The following PPP1R12B variants were observed in gnomAD, a reference collection of about 807,000 sequenced individuals.
PPP1R12B encodes the protein myosin phosphatase target subunit 2.
PPP1R12B carries 76 observed loss-of-function variants against 126.1 expected under a neutral mutation model. The ratio of observed to expected loss-of-function variants is 0.60; its 90% CI spans 0.50 to 0.73. The LOEUF is 0.73. PPP1R12B is among the 30% of genes least tolerant of loss of function. The pLI is 0.00. For synonymous variants in PPP1R12B, 356 were observed against 434.7 expected (o/e 0.82, Z 2.25); for missense variants, 1,052 against 1,205.1 (o/e 0.87, Z 1.88).
In PPP1R12B at chr1:202,446,252, A is replaced by AT. The variant is rs1441894134; in HGVS notation, c.1668-2736dup. Among the ~76,000 whole-genome samples the AT allele has an allele frequency of 3.3e-3, 189 of 57,212 alleles. 1 individual carries two copies. The highest frequency in any genetic ancestry group is 0.015 in the African/African-American group (184 of 12,520). 37.5% of individuals were successfully genotyped at this position (57,212 alleles called of 152,430 possible). ...TCTCTCTCTCTATATATATATATATATATATTTTTTTTTTTTTTTGAGATG... is the reference window on the plus strand; with the variant it reads ...TCTCTCTCTCTATATATATATATATATTATATTTTTTTTTTTTTTTGAGATG... On this transcript the variant is annotated intron_variant, in intron 12 of 23. Coordinates refer to ENST00000608999, the MANE Select transcript of PPP1R12B (RefSeq NM_002481.4).
At chr1:202,571,743 A>G (rs1688631360) in intron 23 of PPP1R12B, among the ~76,000 whole-genome samples, 1 of 152,188 alleles carries the variant, frequency 6.6e-6, no homozygotes, top group South Asian at 2.1e-4. Context: ...GGTGTGAGCC[A>G]TCGCGTCTGG....
intron 5 of PPP1R12B, 66 bp from the exon 6 acceptor site, chr1:202,428,789 A>C (rs982413133): frequency 6.8e-7 from 1 of 1,462,934 alleles, no homozygotes; most frequent in African/African-American, 1.4e-5. Context: ...ATAGTTCCCT[A>C]CTAATAAAGT....
At position 202,588,455 on chromosome 1, in the gene PPP1R12B, T is replaced by C. The variant is rs1689954622; in HGVS notation, c.*7895T>C. The C allele has an allele frequency of 6.6e-6, 1 of 152,666 alleles. No individual in the cohort carries two copies. Among genetic ancestry groups the C allele is most frequent in the Non-Finnish European group, 1.5e-5 (1 of 68,048 alleles). The allele number at this position is 152,666 out of a possible 1,614,324, so 9.5% of individuals were successfully genotyped here. On this transcript the variant is annotated 3_prime_UTR_variant, in exon 24 of 24. Coordinates refer to ENST00000608999, the MANE Select transcript of PPP1R12B (RefSeq NM_002481.4). ...TTTTGTTTTACTGGTTGTTGTTATATAGTTTTGAGTATTCTGTGTTTGAAA... is the reference window on the plus strand; with the variant it reads ...TTTTGTTTTACTGGTTGTTGTTATACAGTTTTGAGTATTCTGTGTTTGAAA...
chr1:202,558,340 A>C (rs910914085), intron 18 of PPP1R12B, among the ~76,000 whole-genome samples: 7 of 150,762 alleles, frequency 4.6e-5, no homozygotes, highest in African/African-American at 1.7e-4. Flanking sequence ...CAAGGATGGG[A>C]GTTTCTCCCC....
At chr1:202,405,531 C>T (rs992314283) in intron 1 of PPP1R12B, among the ~76,000 whole-genome samples, 2 of 152,182 alleles carry the variant, frequency 1.3e-5, no homozygotes, top group African/African-American at 4.8e-5. Context: ...TAGCAGCTAA[C>T]ACGTAACATT....
intron 1 of PPP1R12B, among the ~76,000 whole-genome samples, chr1:202,363,702 T>C (rs889154312): frequency 5.3e-5 from 8 of 152,178 alleles, no homozygotes; most frequent in African/African-American, 1.9e-4. Context: ...AGTTCCAGGA[T>C]ATTATAGCAA....
intron 13 of PPP1R12B, among the ~76,000 whole-genome samples, chr1:202,484,553 G>C (rs775438424): frequency 1.3e-5 from 2 of 152,196 alleles, no homozygotes; most frequent in Non-Finnish European, 2.9e-5. Flanking sequence ...GTCTGAATTT[G>C]ATTTATGAAT....
Position 202,551,192 on chromosome 1 carries a change from G to A in PPP1R12B, c.2491-7685G>A, listed in dbSNP as rs148926697. Among the ~76,000 whole-genome samples, 446 of 152,148 alleles carry A rather than the reference G, an allele frequency of 2.9e-3. 2 individuals are homozygous for A. Among genetic ancestry groups the A allele is most frequent in the Admixed American group, 8.0e-3 (122 of 15,286 alleles). ...ACAATCTGGCATATGAGATTTTTCA[G>A]AAATATTTATAATATGAACTGAATG... On this transcript the variant is annotated intron_variant, in intron 18 of 23. Coordinates refer to ENST00000608999, the MANE Select transcript of PPP1R12B (RefSeq NM_002481.4).
At chr1:202,477,628 G>A (rs2148811133) in intron 13 of PPP1R12B, among the ~76,000 whole-genome samples, 1 of 152,138 alleles carries the variant, frequency 6.6e-6, no homozygotes, top group African/African-American at 2.4e-5. Context: ...AGAGTGCAGT[G>A]GTGCAATCAT....
chr1:202,493,401 G>T, intron 15 of PPP1R12B, 84 bp downstream of exon 15: 3 of 1,397,304 alleles, frequency 2.1e-6, no homozygotes, highest in African/African-American at 2.9e-5. Flanking sequence ...TAGTTCAAAG[G>T]CTGTGTTCTA....
rs1444717603 is a variant in PPP1R12B, at chr1:202,582,924, TACAGA to T, written c.*2369_*2373del. On this transcript the variant is annotated 3_prime_UTR_variant, in exon 24 of 24. Transcript: ENST00000608999. The stretch of plus-strand genomic sequence containing the variant: ...TAATAAATAAATAAAAAATCCCAAT[TACAGA>T]ACAGGAGATATGTTTCCTCTGACAA... The T allele has an allele frequency of 6.6e-6, 1 of 152,050 alleles. No homozygotes were observed. Among genetic ancestry groups the T allele is most frequent in the Non-Finnish European group, 1.5e-5 (1 of 67,992 alleles). 9.4% of individuals were successfully genotyped at this position (152,050 alleles called of 1,614,324 possible).
intron 12 of PPP1R12B, among the ~76,000 whole-genome samples, chr1:202,445,991 A>G (rs554477012): frequency 2.4e-4 from 36 of 152,158 alleles, no homozygotes; most frequent in African/African-American, 8.7e-4. Context: ...ATGGTGCTTG[A>G]TTGATATTTG....
intron 1 of PPP1R12B, among the ~76,000 whole-genome samples, chr1:202,406,961 T>C (rs1413657990): frequency 6.6e-6 from 1 of 152,226 alleles, no homozygotes; most frequent in Non-Finnish European, 1.5e-5. Flanking sequence ...ATTAGAATTA[T>C]CAGTGAGTAA....
chr1:202,478,809 C>T (rs772951929), intron 13 of PPP1R12B, among the ~76,000 whole-genome samples: 4 of 151,960 alleles, frequency 2.6e-5, no homozygotes, highest in Non-Finnish European at 4.4e-5. Context: ...TTTAAGATTC[C>T]AAGTCAGGTA....
Position 202,348,800 on chromosome 1 carries a change from C to G in PPP1R12B, c.-52C>G. On this transcript the variant is annotated 5_prime_UTR_variant, in exon 1 of 24. Coordinates refer to ENST00000608999, the MANE Select transcript of PPP1R12B (RefSeq NM_002481.4). ...GAGGCGGCAGCGGCAACTCGAGCCCCAACAGTAATTTAGTGTTGGTAGTTT... is the reference window on the plus strand; with the variant it reads ...GAGGCGGCAGCGGCAACTCGAGCCCGAACAGTAATTTAGTGTTGGTAGTTT... 1.3e-6 allele frequency: 2 copies of G among 1,556,618 alleles called. No individual in the cohort carries two copies. The highest frequency in any genetic ancestry group is 8.6e-7 in the Non-Finnish European group (1 of 1,156,100).
rs1340662321 is a variant in PPP1R12B, at chr1:202,348,708, G to A, written c.-144G>A. 3 of 1,063,554 alleles carry A rather than the reference G, an allele frequency of 2.8e-6. No individual in the cohort carries two copies. The highest frequency in any genetic ancestry group is 1.7e-5 in the South Asian group (1 of 59,324). 65.9% of individuals were successfully genotyped at this position (1,063,554 alleles called of 1,614,324 possible). On this transcript the variant is annotated 5_prime_UTR_variant, in exon 1 of 24. Transcript: ENST00000608999. ...GAGGGAGCGTGCGGGCGGTACTACTGGCGGGAGGAGTAAAGATGGCGGCGC... is the reference window on the plus strand; with the variant it reads ...GAGGGAGCGTGCGGGCGGTACTACTAGCGGGAGGAGTAAAGATGGCGGCGC...
Position 202,442,338 on chromosome 1 carries a change from A to G in PPP1R12B, c.1542-109A>G, listed in dbSNP as rs1671737984. 6 of 1,253,412 alleles carry G rather than the reference A, an allele frequency of 4.8e-6. No individual in the cohort carries two copies. The South Asian group carries it at 6.2e-5, about 13-fold the overall frequency. The allele number at this position is 1,253,412 out of a possible 1,614,324, so 77.6% of individuals were successfully genotyped here. On this transcript the variant is annotated intron_variant, in intron 11 of 23. Coordinates refer to ENST00000608999, the MANE Select transcript of PPP1R12B (RefSeq NM_002481.4). ...ACAGAATAACCTGAAGAATGTGTCTATTAGCCATGTTATAGTTTGCCTGTC... is the reference window on the plus strand; with the variant it reads ...ACAGAATAACCTGAAGAATGTGTCTGTTAGCCATGTTATAGTTTGCCTGTC...
chr1:202,439,240 A>G, intron 10 of PPP1R12B: 2 of 1,395,274 alleles, frequency 1.4e-6, no homozygotes, highest in East Asian at 2.3e-5. Context: ...CACCATCCAG[A>G]CAATATCAAG....
chr1:202,377,830 G>GTGT (rs1191294515), intron 1 of PPP1R12B, among the ~76,000 whole-genome samples: 5 of 99,302 alleles, frequency 5.0e-5, no homozygotes, highest in African/African-American at 2.3e-4. Flanking sequence ...TCAAAGACAG[G>GTGT]TGTTTTTTTT....
Sources: gnomAD v4.1 joint callset for allele counts (sites outside exome capture counted in the v4.1 genomes callset) on GRCh38, gnomAD v4.1.1 for gene constraint, MANE v1.5 for transcripts, NCBI Gene and HGNC (gene_info 2026-07-23, HGNC 2026-07-21) for gene names.